MYH14: variants seen among roughly 807,000 people sequenced by gnomAD.
The protein encoded by MYH14 is myosin heavy chain 14.
A neutral mutation model predicts 255.5 loss-of-function variants in MYH14; 123 were observed. That is an observed-to-expected ratio of 0.48 (90% CI 0.42 to 0.56). MYH14 has a LOEUF of 0.56. Among genes scored for constraint, MYH14 ranks in the 20% least tolerant of loss-of-function variants. MYH14 has a pLI of 0.00. For synonymous variants in MYH14, 1,095 were observed against 1,161.2 expected (o/e 0.94, Z 1.16); for missense variants, 2,423 against 2,802.3 (o/e 0.86, Z 3.06).
rs984856121 is a variant in MYH14 at position 50,276,013 on chromosome 19, C to T, written c.3490C>T (p.Arg1164Trp). The change falls in exon 28 of 43, where the codon CGG (arginine) becomes TGG (tryptophan). Residue 1164 changes from arginine to tryptophan, a missense_variant. Transcript: ENST00000642316. This position sits in a 1 kb window ranked among gnomAD's most constrained non-coding sequence, Gnocchi z 4.3. The stretch of plus-strand genomic sequence containing the variant: ...CAGGGCAGAAGACGAGGGTGGGGCC[C>T]GGGCCCAGCTGCTGAAATCCCTGCG... Reference protein sequence around the residue: ...LARAEDEGGARAQLLKSLREA... With the variant: ...LARAEDEGGAWAQLLKSLREA... The T allele has an allele frequency of 5.0e-6, 8 of 1,612,642 alleles. No homozygotes were observed. The highest frequency in any genetic ancestry group is 3.3e-5 in the South Asian group (3 of 90,862).
At position 50,276,841 on chromosome 19, in the gene MYH14, G is replaced by A. The variant is rs778778031; in HGVS notation, c.3765G>A (p.Leu1255=). 4 of 1,612,680 alleles carry A rather than the reference G, an allele frequency of 2.5e-6. No homozygotes were observed. In the South Asian group the frequency reaches 4.4e-5, roughly 18 times the overall value. ...TCCACGAGGCGGCAGTGCAGGAGCT[G>A]AGGCAGCGCCACGGCCAGGCCCTGG... ...TRIHEAAVQE[L]RQRHGQALGE... Residue 1255 remains leucine, a synonymous_variant, in exon 29 of 43, where the codon CTG becomes CTA. Coordinates refer to ENST00000642316, the MANE Select transcript of MYH14 (RefSeq NM_001145809.2). The surrounding 1 kb of genome is among the most constrained non-coding windows in gnomAD (Gnocchi z 4.3).
intron 36 of MYH14, 26 bp from the exon 37 acceptor site, chr19:50,292,235 C>G (rs2036100715): frequency 6.3e-7 from 1 of 1,579,672 alleles, no homozygotes; most frequent in African/African-American, 1.4e-5. Flanking sequence ...CAGGCTGAGC[C>G]CATCTACCTA....
intron 36 of MYH14, 50 bp downstream of exon 36, chr19:50,291,098 C>A (rs1349292297): frequency 6.3e-7 from 1 of 1,581,480 alleles, no homozygotes; most frequent in Non-Finnish European, 8.6e-7. Context: ...TGTCTTCAAG[C>A]CCCAACCATC....
intron 10 of MYH14, among the ~76,000 whole-genome samples, chr19:50,234,863 G>T (rs189220015): frequency 6.6e-6 from 1 of 152,190 alleles, no homozygotes; most frequent in East Asian, 1.9e-4. Context: ...TGTGGCTAAA[G>T]GTTGTACTGA....
Position 50,210,508 on chromosome 19 carries a change from T to C in MYH14, c.143T>C (p.Val48Ala). ...CCTGGCTCGGGCACCTCCCCGCAGG[T>C]GGAGTGGACGGCCCGGCGTCTCGTG... The part of the protein sequence containing the change: ...GGPGSGTSPQ[V>A]EWTARRLVWV... Residue 48 changes from valine (V) to alanine (A), a missense_variant, in exon 2 of 43, where the codon GTG becomes GCG. Coordinates refer to ENST00000642316, the MANE Select transcript of MYH14 (RefSeq NM_001145809.2). The C allele has an allele frequency of 7.0e-6, 11 of 1,566,290 alleles. No individual in the cohort carries two copies. Among genetic ancestry groups the C allele is most frequent in the Non-Finnish European group, 8.6e-6 (10 of 1,157,844 alleles).
In MYH14 at chr19:50,280,181, C is replaced by A; in HGVS notation, c.4137+40C>A. On this transcript the variant is annotated intron_variant, in intron 31 of 42. Coordinates refer to ENST00000642316, the MANE Select transcript of MYH14 (RefSeq NM_001145809.2). This position sits in a 1 kb window ranked among gnomAD's most constrained non-coding sequence, Gnocchi z 4.8. ...CCTTCGGCTCCACCGTCACCCTCCC[C>A]TCCTTGTCCTCCCAGCCACACCTGA... The A allele has an allele frequency of 6.4e-7, 1 of 1,559,004 alleles. No homozygotes were observed. Among genetic ancestry groups the A allele is most frequent in the East Asian group, 2.4e-5 (1 of 41,272 alleles).
chr19:50,285,620 T>A (rs1376473910), intron 33 of MYH14: 1 of 152,240 alleles, frequency 6.6e-6, no homozygotes, highest in Non-Finnish European at 1.5e-5. Context: ...AGTTTTTATA[T>A]ATTTCATTGG....
Position 50,250,565 on chromosome 19 carries a change from G to A in MYH14, c.1707G>A (p.Pro569=), listed in dbSNP as rs553065411. Reference sequence around the variant, plus strand: ...TGCTGGATGAGGAGTGCTGGTTCCCGAAGGCCACAGACAAGTCGTTTGTGG... The same window carrying A: ...TGCTGGATGAGGAGTGCTGGTTCCCAAAGGCCACAGACAAGTCGTTTGTGG... ...LALLDEECWF[P]KATDKSFVEK... is the part of the protein sequence containing the mutation. Residue 569 remains proline (P), a synonymous_variant, in exon 15 of 43, where the codon CCG becomes CCA. Coordinates refer to ENST00000642316, the MANE Select transcript of MYH14 (RefSeq NM_001145809.2). This position sits in a 1 kb window ranked among gnomAD's most constrained non-coding sequence, Gnocchi z 5.4. The A allele has an allele frequency of 9.9e-6, 16 of 1,613,822 alleles. No homozygotes were observed. Among genetic ancestry groups the A allele is most frequent in the Middle Eastern group, 1.6e-4 (1 of 6,084 alleles).
At chr19:50,215,578 C>T (rs1249174704) in intron 2 of MYH14, among the ~76,000 whole-genome samples, 12 of 152,114 alleles carry the variant, frequency 7.9e-5, no homozygotes, top group Non-Finnish European at 1.2e-4. Flanking sequence ...CCAGGCATGC[C>T]GGGGTGGGAA....
At chr19:50,238,847 T>G (rs594866) in intron 10 of MYH14, among the ~76,000 whole-genome samples, 146,591 of 152,150 alleles carry the variant, frequency 0.96, 70,671 homozygotes, top group African/African-American at 0.99. Context: ...ATCTTTGGGG[T>G]CTGTTATTCA....
intron 23 of MYH14, among the ~76,000 whole-genome samples, chr19:50,267,618 C>T (rs561657806): frequency 1.0e-5 from 1 of 97,834 alleles, no homozygotes; most frequent in East Asian, 4.2e-4. Context: ...GAGACTCTGT[C>T]TCAAAAATAA....
In MYH14 at chr19:50,291,058, G is replaced by T. The variant is rs370928889; in HGVS notation, c.5127+10G>T. The stretch of plus-strand genomic sequence containing the variant: ...GCTTCGCAAGATGCAGGTAAGAGCC[G>T]GCGTGAGCTGCAGGGAGGGGAGGCT... On this transcript the variant is annotated intron_variant, in intron 36 of 42. Coordinates refer to ENST00000642316, the MANE Select transcript of MYH14 (RefSeq NM_001145809.2). 2 of 1,611,648 alleles carry T rather than the reference G, an allele frequency of 1.2e-6. No individual in the cohort carries two copies. The highest frequency in any genetic ancestry group is 1.7e-6 in the Non-Finnish European group (2 of 1,178,982).
intron 24 of MYH14, among the ~76,000 whole-genome samples, chr19:50,270,073 C>A (rs1379077393): frequency 6.6e-6 from 1 of 152,100 alleles, no homozygotes; most frequent in Non-Finnish European, 1.5e-5. Context: ...CAAAAATTAG[C>A]CAGGCATGGT....
rs1342072828 is a variant in MYH14, at chr19:50,221,914, C to T, written c.563-1169C>T. Among the ~76,000 whole-genome samples, 1 of 152,222 alleles carries T rather than the reference C, an allele frequency of 6.6e-6. No homozygotes were observed. Among genetic ancestry groups the T allele is most frequent in the East Asian group, 1.9e-4 (1 of 5,204 alleles). The stretch of plus-strand genomic sequence containing the variant: ...TGCCCTCTGCCTGAAATGCCACCTC[C>T]ACTGAGAAGCCTTCCCTGCTCCTTC... On this transcript the variant is annotated intron_variant, in intron 3 of 42. Transcript: ENST00000642316. This position sits in a 1 kb window ranked among gnomAD's most constrained non-coding sequence, Gnocchi z 5.3.
At chr19:50,240,301 C>T (rs1318913521) in intron 10 of MYH14, among the ~76,000 whole-genome samples, 6 of 152,158 alleles carry the variant, frequency 3.9e-5, no homozygotes, top group African/African-American at 9.7e-5. Flanking sequence ...TATGCTACGC[C>T]GGCACGGTGG....
At position 50,247,031 on chromosome 19, in the gene MYH14, G is replaced by A. The variant is rs1262764582; in HGVS notation, c.1238G>A (p.Gly413Glu). 4 of 1,612,714 alleles carry A rather than the reference G, an allele frequency of 2.5e-6. No individual in the cohort carries two copies. The African/African-American group carries it at 5.3e-5, about 22-fold the overall frequency. The change falls in exon 12 of 43, where the codon GGA becomes GAA. Residue 413 changes from glycine (G) to glutamate (E), a missense_variant. By Grantham distance (98) the Gly-to-Glu change is moderately conservative (BLOSUM62 -2). This residue lies in a region of MYH14 where 672 missense variants were observed against 881.8 expected (regional missense o/e 0.76). Transcript: ENST00000642316. ...TAAQKLCRLL[G>E]LGVTDFSRAL... ...GCACAGAAGCTCTGCCGCCTCTTGG[G>A]ACTGGGGGTGACGGATTTCTCCCGA...
At chr19:50,213,076 C>T (rs2032282370) in intron 2 of MYH14, among the ~76,000 whole-genome samples, 1 of 152,194 alleles carries the variant, frequency 6.6e-6, no homozygotes, top group African/African-American at 2.4e-5. Flanking sequence ...CCTCAGCCTC[C>T]TGAGTAGCTG....
At chr19:50,257,882 G>A (rs2034649893) in intron 18 of MYH14, among the ~76,000 whole-genome samples, 1 of 152,154 alleles carries the variant, frequency 6.6e-6, no homozygotes, top group African/African-American at 2.4e-5. Flanking sequence ...GGTTCCCTGG[G>A]GGACGTGATG....
chr19:50,229,283 G>A (rs28618218), intron 8 of MYH14, among the ~76,000 whole-genome samples: 3,229 of 152,254 alleles, frequency 0.021, 96 homozygotes, highest in African/African-American at 0.074. Flanking sequence ...GGTGGTGCAT[G>A]AGTGTGGTGG....
Sources: gnomAD v4.1 joint callset for allele counts (sites outside exome capture counted in the v4.1 genomes callset) on GRCh38, gnomAD v4.1.1 for gene constraint, gnomAD v4.1.1 regional missense constraint, Gnocchi (gnomAD v3.1) non-coding constraint, MANE v1.5 for transcripts, NCBI Gene and HGNC (gene_info 2026-07-23, HGNC 2026-07-21) for gene names.